The following SEMA4C variants were observed in gnomAD, a reference collection of about 807,000 sequenced individuals.
SEMA4C encodes the protein semaphorin-4C.
SEMA4C carries 19 observed loss-of-function variants against 89.0 expected under a neutral mutation model. The ratio of observed to expected loss-of-function variants is 0.21; its 90% CI spans 0.15 to 0.31. SEMA4C has a LOEUF of 0.31. Ranked by LOEUF, SEMA4C falls within the 10% of genes least tolerant of loss-of-function variation. The pLI is 1.00. For synonymous variants in SEMA4C, 428 were observed against 472.7 expected, an observed-to-expected ratio of 0.91 and a Z score of 1.23; for missense variants, 811 against 1,107.0, an observed-to-expected ratio of 0.73 and a Z score of 3.79.
Position 96,867,531 on chromosome 2 carries a change from G to A in SEMA4C, c.109+247C>T, listed in dbSNP as rs141600653. On this transcript the variant is annotated intron_variant, in intron 2 of 14. Transcript: ENST00000305476. ...CAGCGCCAGTGACAATTCAAGAAGC[G>A]AGGCGTGGAGAGGGCGAGGCAGAAG... Among the ~76,000 whole-genome samples the A allele has an allele frequency of 2.0e-3, 310 of 152,268 alleles. 1 individual carries two copies. The highest frequency in any genetic ancestry group is 6.2e-3 in the African/African-American group (256 of 41,538).
intron 2 of SEMA4C, 79 bp from the exon 3 acceptor site, chr2:96,866,510 C>T: frequency 6.3e-7 from 1 of 1,580,430 alleles, no homozygotes; most frequent in Non-Finnish European, 8.7e-7. Flanking sequence ...CGAGAGCCAG[C>T]ACCCCATGCC....
chr2:96,869,143 G>A (rs1363838152), intron 1 of SEMA4C: 3 of 985,380 alleles, frequency 3.0e-6, no homozygotes, highest in Non-Finnish European at 3.6e-6. Flanking sequence ...CTGCGCCCCA[G>A]ACCAGCCCCC....
At position 96,861,052 on chromosome 2, in the gene SEMA4C, T is replaced by C; in HGVS notation, c.2076A>G (p.Glu692=). Residue 692 remains glutamate, a synonymous_variant, in exon 15 of 15, where the codon GAA becomes GAG. Transcript: ENST00000305476. The surrounding 1 kb of genome is among the most constrained non-coding windows in gnomAD (Gnocchi z 7.8). ...LVLSLRRRLR[E]ELEKGAKATE... The stretch of plus-strand genomic sequence containing the variant: ...TAGCCTTGGCCCCTTTCTCCAGCTC[T>C]TCCCGCAGCCGCCGGCGCAATGACA... 1 of 1,612,806 alleles carries C rather than the reference T, an allele frequency of 6.2e-7. No homozygotes were observed. The highest frequency in any genetic ancestry group is 8.5e-7 in the Non-Finnish European group (1 of 1,179,972).
rs202061283 is a variant in SEMA4C at position 96,860,617 on chromosome 2, G to A, written c.*9C>T. The A allele has an allele frequency of 1.2e-3, 1,965 of 1,585,712 alleles. 2 individuals carry two copies. The highest frequency in any genetic ancestry group is 2.5e-3 in the Admixed American group (139 of 56,362). The stretch of plus-strand genomic sequence containing the variant: ...CCCACGCTTCCCGCCGACGCGGTGG[G>A]GGTTCCCCTCATACTGATGACTCCT... On this transcript the variant is annotated 3_prime_UTR_variant, in exon 15 of 15. Transcript: ENST00000305476.
chr2:96,863,394 T>C, intron 12 of SEMA4C: 1 of 1,186,636 alleles, frequency 8.4e-7, no homozygotes, highest in Non-Finnish European at 1.1e-6. Context: ...ACAGCACAGC[T>C]TGGAGGGTCT....
At chr2:96,867,093 C>T (rs1295435370) in intron 2 of SEMA4C, among the ~76,000 whole-genome samples, 2 of 152,154 alleles carry the variant, frequency 1.3e-5, no homozygotes, top group South Asian at 2.1e-4. Flanking sequence ...TATACAGTCA[C>T]GTGATTCCTA....
intron 2 of SEMA4C, among the ~76,000 whole-genome samples, chr2:96,867,112 G>A (rs62152866): frequency 0.076 from 11,605 of 152,228 alleles, 475 homozygotes; most frequent in Middle Eastern, 0.12. Context: ...TACATCAGCT[G>A]CCAAATATGG....
chr2:96,861,738 C>T lies in SEMA4C; in HGVS notation c.1600G>A (p.Gly534Arg). The T allele has an allele frequency of 6.2e-7, 1 of 1,613,612 alleles. No homozygotes were observed. Among genetic ancestry groups the T allele is most frequent in the Non-Finnish European group, 8.5e-7 (1 of 1,179,914 alleles). Residue 534 changes from glycine to arginine, a missense_variant and splice_region_variant, in exon 13 of 15, where the codon GGA (glycine) becomes AGA (arginine). Coordinates refer to ENST00000305476, the MANE Select transcript of SEMA4C (RefSeq NM_017789.5). The surrounding 1 kb of genome is among the most constrained non-coding windows in gnomAD (Gnocchi z 7.8). ...SRCVAVGGHS[G>R]SLLIQHVMTS... is the part of the protein sequence containing the mutation. ...TGGCCTATGTAGAGCCCAACTCACC[C>T]AGAGTGGCCACCCACGGCCACACAG...
intron 2 of SEMA4C, chr2:96,866,845 C>A: frequency 2.8e-6 from 1 of 356,100 alleles, no homozygotes. Context: ...GAGCAGGAGG[C>A]ACAGACGGCT....
chr2:96,860,492 G>A lies in SEMA4C; in HGVS notation c.*134C>T. ...CGTGCTGAGCAGAGCAGGTCCTCAT[G>A]GCCGGGTGGGTGCTGGGCAGTATCT... On this transcript the variant is annotated 3_prime_UTR_variant, in exon 15 of 15. Transcript: ENST00000305476. The A allele has an allele frequency of 1.3e-6, 1 of 796,660 alleles. No individual in the cohort carries two copies. The highest frequency in any genetic ancestry group is 2.7e-5 in the East Asian group (1 of 36,888). The allele number at this position is 796,660 out of a possible 1,614,324, so 49.3% of individuals were successfully genotyped here. A position where few individuals can be genotyped will look rare whatever the true frequency, so the allele number is the denominator to read the frequency against.
Position 96,868,246 on chromosome 2 carries a change from T to G in SEMA4C, c.-37-323A>C, listed in dbSNP as rs191606290. On this transcript the variant is annotated intron_variant, in intron 1 of 14. Transcript: ENST00000305476. ...ATAAAAAGGGGACCCCCGCCCAACA[T>G]ACACACTCAGGCCTAAGAGGTTTGA... is the stretch of plus-strand genomic sequence containing the variant. Among the ~76,000 whole-genome samples the G allele has an allele frequency of 1.9e-3, 288 of 152,276 alleles. 10 individuals are homozygous for G. In the East Asian group the frequency reaches 0.035, roughly 18 times the overall value.
rs768154377 is a variant in SEMA4C, at chr2:96,860,539, C to T, written c.*87G>A. On this transcript the variant is annotated 3_prime_UTR_variant, in exon 15 of 15. Coordinates refer to ENST00000305476, the MANE Select transcript of SEMA4C (RefSeq NM_017789.5). The stretch of plus-strand genomic sequence containing the variant: ...ATCTGTCCCAGACAGAGCAGGTGCC[C>T]GTGCCATGTCCCTGAGGTAGCTGGT... 2.1e-5 allele frequency: 25 copies of T among 1,217,442 alleles called. No individual in the cohort carries two copies. In the African/African-American group the frequency reaches 2.1e-4, roughly 10 times the overall value. The allele number at this position is 1,217,442 out of a possible 1,614,324, so 75.4% of individuals were successfully genotyped here.
upstream of SEMA4C, chr2:96,870,484 C>A: frequency 2.1e-6 from 2 of 955,890 alleles, no homozygotes; most frequent in Non-Finnish European, 2.5e-6. Context: ...CACGTCGAGG[C>A]GAGTATCCAG....
In SEMA4C at chr2:96,864,269, G is replaced by A. The variant is rs530092585; in HGVS notation, c.1076C>T (p.Thr359Ile). 2 of 1,613,920 alleles carry A rather than the reference G, an allele frequency of 1.2e-6. No homozygotes were observed. The highest frequency in any genetic ancestry group is 2.2e-5 in the South Asian group (2 of 91,086). Residue 359 changes from threonine (T) to isoleucine (I), a missense_variant, in exon 10 of 15, where the codon ACT (threonine) becomes ATT (isoleucine). Coordinates refer to ENST00000305476, the MANE Select transcript of SEMA4C (RefSeq NM_017789.5). The surrounding 1 kb of genome is among the most constrained non-coding windows in gnomAD (Gnocchi z 6.3). Reference protein sequence around the residue: ...HEEAQKWDRYTDPVPSPRPGS... With the variant: ...HEEAQKWDRYIDPVPSPRPGS... ...AGGCCGAGGGCTGGGTACAGGGTCA[G>A]TGTAGCGGTCCCACTTCTGGGCTTC...
rs979762048 is a variant in SEMA4C, at chr2:96,859,804, G to C, written c.*822C>G. The C allele has an allele frequency of 5.3e-5, 8 of 152,160 alleles. No homozygotes were observed. The highest frequency in any genetic ancestry group is 1.0e-4 in the Non-Finnish European group (7 of 68,030). 9.4% of individuals were successfully genotyped at this position (152,160 alleles called of 1,614,324 possible). ...AAATATTTACAACAAATAAATACGC[G>C]GGGACACAATAAGTTACACTGTTAG... On this transcript the variant is annotated 3_prime_UTR_variant, in exon 15 of 15. Transcript: ENST00000305476.
intron 5 of SEMA4C, 38 bp downstream of exon 5, chr2:96,865,628 G>A: frequency 6.2e-7 from 1 of 1,603,460 alleles, no homozygotes; most frequent in African/African-American, 1.3e-5. Flanking sequence ...GAGGAGGGCG[G>A]GGGGCTGGGG....
In SEMA4C at chr2:96,864,364, C is replaced by T. The variant is rs914866875; in HGVS notation, c.981G>A (p.Ser327=). The T allele has an allele frequency of 6.8e-6, 11 of 1,613,612 alleles. No homozygotes were observed. Among genetic ancestry groups the T allele is most frequent in the South Asian group, 3.3e-5 (3 of 91,088 alleles). ...FQAQWGDMYL[S]AICEYQLEEI... ...CTTCCAACTGGTACTCACAGATGGC[C>T]GACAGGTACATGTCACCCCTGTCAC... The change falls in exon 10 of 15, where the codon TCG becomes TCA. Residue 327 remains serine (S), a synonymous_variant. Transcript: ENST00000305476. The surrounding 1 kb of genome is among the most constrained non-coding windows in gnomAD (Gnocchi z 6.3).
In SEMA4C at chr2:96,861,211, T is replaced by A. The variant is rs758447823; in HGVS notation, c.1917A>T (p.Glu639Asp). 1 of 1,610,558 alleles carries A rather than the reference T, an allele frequency of 6.2e-7. No individual in the cohort carries two copies. Among genetic ancestry groups the A allele is most frequent in the South Asian group, 1.1e-5 (1 of 91,068 alleles). The change falls in exon 15 of 15, where the codon GAA (glutamate) becomes GAT (aspartate). Residue 639 changes from glutamate (E) to aspartate (D), a missense_variant. Glu to Asp is a conservative substitution (Grantham distance 45, BLOSUM62 2). Coordinates refer to ENST00000305476, the MANE Select transcript of SEMA4C (RefSeq NM_017789.5). This position sits in a 1 kb window ranked among gnomAD's most constrained non-coding sequence, Gnocchi z 7.8. Reference protein sequence around the residue: ...SEEQGARLAAEGYLVAVVAGP... With the variant: ...SEEQGARLAADGYLVAVVAGP... ...CTGCCACGACAGCCACAAGGTAGCC[T>A]TCAGCAGCCAGCCGCGCCCCCTGCT...
At chr2:96,866,171 C>T (rs2080066333) in intron 3 of SEMA4C, 112 bp downstream of exon 3, 1 of 1,447,178 alleles carries the variant, frequency 6.9e-7, no homozygotes, top group East Asian at 2.3e-5. Flanking sequence ...CCCGGATGCC[C>T]AGCAGCACTT....
Sources: allele counts gnomAD v4.1 joint callset (sites outside exome capture counted in the v4.1 genomes callset), GRCh38; gene constraint gnomAD v4.1.1; non-coding constraint Gnocchi (gnomAD v3.1); transcripts MANE v1.5; gene names NCBI Gene and HGNC (gene_info 2026-07-23, HGNC 2026-07-21).